UGT1A9: variants seen among roughly 807,000 people sequenced by gnomAD.
UGT1A9 encodes the protein UDP-glucuronosyltransferase 1A9.
A neutral mutation model predicts 45.0 loss-of-function variants in UGT1A9; 35 were observed. The ratio of observed to expected loss-of-function variants is 0.78; its 90% confidence interval spans 0.59 to 1.03. The LOEUF (loss-of-function observed/expected upper bound fraction) is 1.03. UGT1A9 is among the 50% of genes least tolerant of loss of function. UGT1A9 has a pLI of 0.00. For missense variants in UGT1A9, 687 were observed against 666.6 expected (o/e 1.03, Z -0.34); for synonymous variants, 278 against 250.6 (o/e 1.11, Z -1.03).
intron 1 of UGT1A9, chr2:233,692,913 A>G: frequency 3.8e-6 from 6 of 1,559,188 alleles, no homozygotes; most frequent in Non-Finnish European, 5.2e-6. Flanking sequence ...ACCTGTGAAA[A>G]GCAGTGGTTA....
At chr2:233,724,928 A>C (rs2125707606) in intron 1 of UGT1A9, among the ~76,000 whole-genome samples, 1 of 142,602 alleles carries the variant, frequency 7.0e-6, no homozygotes, top group South Asian at 2.5e-4. Context: ...TGAGTGAACG[A>C]GACTCCGTCT....
intron 1 of UGT1A9, chr2:233,682,569 T>C (rs1226990386): frequency 4.3e-6 from 7 of 1,613,850 alleles, no homozygotes; most frequent in Non-Finnish European, 5.9e-6. Flanking sequence ...TGGAACCACA[T>C]CATGCACTTG....
At chr2:233,721,551 A>AGT (rs1303257041) in intron 1 of UGT1A9, 1 of 163,364 alleles carries the variant, frequency 6.1e-6, no homozygotes, top group African/African-American at 2.4e-5. Context: ...TTTTTTCTTC[A>AGT]GTTTCTTCTG....
At chr2:233,754,129 A>C (rs1290911546) in intron 1 of UGT1A9, among the ~76,000 whole-genome samples, 1 of 152,214 alleles carries the variant, frequency 6.6e-6, no homozygotes, top group African/African-American at 2.4e-5. Context: ...TTTATGTGCA[A>C]TTAAAAGCCA....
chr2:233,755,300 G>C (rs149465290), intron 1 of UGT1A9: 2 of 608,528 alleles, frequency 3.3e-6, no homozygotes, highest in African/African-American at 3.8e-5. Flanking sequence ...GCGGGGCACT[G>C]GCACAGCGAG....
At chr2:233,692,066 G>GGA (rs570948190) in intron 1 of UGT1A9, 1 of 152,176 alleles carries the variant, frequency 6.6e-6, no homozygotes, top group Admixed American at 6.5e-5. Flanking sequence ...AGGGAAGAAA[G>GGA]GAGAGAGAGA....
chr2:233,690,111 A>G lies in UGT1A9; in HGVS notation c.855+17322A>G, dbSNP rs552221300. 7.3e-4 allele frequency among the ~76,000 whole-genome samples: 110 copies of G among 151,064 alleles called. 1 individual carries two copies. Among genetic ancestry groups the G allele is most frequent in the African/African-American group, 2.3e-3 (97 of 41,448 alleles). On this transcript the variant is annotated intron_variant, in intron 1 of 4. Coordinates refer to ENST00000354728, the MANE Select transcript of UGT1A9 (RefSeq NM_021027.3). ...AAATTGCTCCTGCATCTTATGTCAC[A>G]TATGTCTTTGTAACTTGGTGAGCTA...
At chr2:233,700,539 G>A (rs1353937482) in intron 1 of UGT1A9, among the ~76,000 whole-genome samples, 1 of 152,120 alleles carries the variant, frequency 6.6e-6, no homozygotes, top group East Asian at 1.9e-4. Flanking sequence ...CTAGGAGAAT[G>A]AGAATAAGGG....
chr2:233,760,233 C>T (rs1697357127), intron 1 of UGT1A9: 2 of 1,510,150 alleles, frequency 1.3e-6, no homozygotes, highest in Non-Finnish European at 9.0e-7. Context: ...TGGTTTTTGC[C>T]ATATATATAT....
At chr2:233,754,396 GT>G in intron 1 of UGT1A9, 1 of 330,590 alleles carries the variant, frequency 3.0e-6, no homozygotes, top group South Asian at 2.6e-5. Flanking sequence ...GGTCCTATCC[GT>G]GCAGTCCCAA....
intron 4 of UGT1A9, chr2:233,770,921 G>C (rs759022692): frequency 6.6e-6 from 1 of 152,192 alleles, no homozygotes; most frequent in Non-Finnish European, 1.5e-5. Context: ...GCTTAGTGCT[G>C]ACATCACTTG....
At chr2:233,697,548 GTTTA>G (rs1421129202) in intron 1 of UGT1A9, among the ~76,000 whole-genome samples, 1 of 142,316 alleles carries the variant, frequency 7.0e-6, no homozygotes, top group Non-Finnish European at 1.5e-5. Context: ...TCTTTGCATT[GTTTA>G]TTTAGCCTCA....
At chr2:233,764,281 G>A (rs537961109) in intron 1 of UGT1A9, among the ~76,000 whole-genome samples, 5 of 152,204 alleles carry the variant, frequency 3.3e-5, no homozygotes, top group South Asian at 2.1e-4. Context: ...TGGTCATTCC[G>A]GTAACTGTGA....
At chr2:233,749,022 T>C (rs1694084845) in intron 1 of UGT1A9, among the ~76,000 whole-genome samples, 1 of 151,722 alleles carries the variant, frequency 6.6e-6, no homozygotes, top group African/African-American at 2.4e-5. Flanking sequence ...ATCCAGAATA[T>C]TTGGGGTTCA....
intron 1 of UGT1A9, among the ~76,000 whole-genome samples, chr2:233,720,509 A>C (rs1440036500): frequency 1.3e-5 from 2 of 152,082 alleles, no homozygotes; most frequent in Admixed American, 6.6e-5. Flanking sequence ...TCTCAGGTGA[A>C]GCTGATCATA....
At chr2:233,729,001 C>A in intron 1 of UGT1A9, 4 of 1,564,656 alleles carry the variant, frequency 2.6e-6, no homozygotes, top group Non-Finnish European at 3.5e-6. Flanking sequence ...TAGAGGAGGG[C>A]ACTCTGTCTT....
chr2:233,766,145 C>G (rs1400021152), intron 1 of UGT1A9, among the ~76,000 whole-genome samples: 2 of 152,164 alleles, frequency 1.3e-5, no homozygotes, highest in Non-Finnish European at 2.9e-5. Flanking sequence ...CGAATCCCAC[C>G]TGGGCTTGGA....
intron 1 of UGT1A9, chr2:233,682,836 G>A: frequency 6.5e-7 from 1 of 1,546,838 alleles, no homozygotes; most frequent in South Asian, 1.3e-5. Context: ...ATCTGGCTTT[G>A]GAAATTAAAA....
At chr2:233,760,991 C>G in intron 1 of UGT1A9, 1 of 1,614,190 alleles carries the variant, frequency 6.2e-7, no homozygotes. Context: ...ACCCTTGCCT[C>G]AGAATTCCTT....
Sources: allele counts gnomAD v4.1 joint callset (sites outside exome capture counted in the v4.1 genomes callset), GRCh38; gene constraint gnomAD v4.1.1; transcripts MANE v1.5; gene names NCBI Gene and HGNC (gene_info 2026-07-23, HGNC 2026-07-21).